ITPR3: variants seen among roughly 807,000 people sequenced by gnomAD.
The protein encoded by ITPR3 is inositol 1,4,5-trisphosphate receptor type 3.
Under a neutral mutation model 293.2 loss-of-function variants are expected in ITPR3, and 173 were observed. The observed-to-expected ratio is 0.59, with a 90% CI of 0.52 to 0.67. The LOEUF is 0.67. ITPR3 is among the 30% of genes least tolerant of loss of function. ITPR3 has a pLI of 0.00. For missense variants in ITPR3, 2,796 were observed against 3,592.1 expected (o/e 0.78, Z 5.66); for synonymous variants, 1,295 against 1,444.4 (o/e 0.90, Z 2.35).
In ITPR3 at chr6:33,686,193, C is replaced by T. The variant is rs142431293; in HGVS notation, c.5808C>T (p.Leu1936=). The T allele has an allele frequency of 3.8e-4, 612 of 1,614,110 alleles. 1 individual carries two copies. The highest frequency in any genetic ancestry group is 3.7e-3 in the African/African-American group (279 of 75,062). The part of the protein sequence containing the change: ...GLYINEDNVG[L]VIQTLETLTE... ...ACATCAATGAGGACAACGTGGGCCT[C>T]GTCATCCAGACCTTGGAGACCCTCA... Residue 1936 remains leucine (L), a synonymous_variant, in exon 42 of 58, where the codon CTC becomes CTT. Coordinates refer to ENST00000605930, the MANE Select transcript of ITPR3 (RefSeq NM_002224.4).
Position 33,693,632 on chromosome 6 carries a change from T to C in ITPR3, c.7712T>C (p.Phe2571Ser). Reference protein sequence around the residue: ...LEHNMWNYLYFIVLVRVKNKT... With the variant: ...LEHNMWNYLYSIVLVRVKNKT... ...CACAACATGTGGAACTACTTGTACTTCATTGTGCTGGTCCGCGTGAAGAAC... is the reference window on the plus strand; with the variant it reads ...CACAACATGTGGAACTACTTGTACTCCATTGTGCTGGTCCGCGTGAAGAAC... Residue 2571 changes from phenylalanine to serine, a missense_variant, in exon 56 of 58, where the codon TTC (phenylalanine) becomes TCC (serine). This residue lies in a region of ITPR3 where 568 missense variants were observed against 796.1 expected (regional missense o/e 0.71). Transcript: ENST00000605930. 6.2e-7 allele frequency: 1 copy of C among 1,614,186 alleles called. No homozygotes were observed. The highest frequency in any genetic ancestry group is 8.5e-7 in the Non-Finnish European group (1 of 1,180,020).
chr6:33,621,759 G>T lies in ITPR3; in HGVS notation c.89+68G>T. 8.1e-7 allele frequency: 1 copy of T among 1,240,596 alleles called. No homozygotes were observed. The highest frequency in any genetic ancestry group is 1.2e-6 in the Non-Finnish European group (1 of 868,130). The allele number at this position is 1,240,596 out of a possible 1,614,324, so 76.8% of individuals were successfully genotyped here. On this transcript the variant is annotated intron_variant, in intron 1 of 57. Coordinates refer to ENST00000605930, the MANE Select transcript of ITPR3 (RefSeq NM_002224.4). The surrounding 1 kb of genome is among the most constrained non-coding windows in gnomAD (Gnocchi z 7.7). ...CGCCGTGGGCCCTGGTGCCAGCTGC[G>T]TGCGTCCAGCCGCCGCCCCCCGATA...
chr6:33,692,915 G>A lies in ITPR3; in HGVS notation c.7624+22G>A. The A allele has an allele frequency of 1.9e-6, 3 of 1,612,172 alleles. No homozygotes were observed. Among genetic ancestry groups the A allele is most frequent in the Non-Finnish European group, 1.7e-6 (2 of 1,178,686 alleles). On this transcript the variant is annotated intron_variant, in intron 55 of 57. Coordinates refer to ENST00000605930, the MANE Select transcript of ITPR3 (RefSeq NM_002224.4). The surrounding 1 kb of genome is among the most constrained non-coding windows in gnomAD (Gnocchi z 4.2). ...TGTGGTGAGGGCTGCTTCCTGCTCT[G>A]TGGAGGCCGCAGCGGGGCTGGAACG...
chr6:33,681,491 G>C (rs79483930), intron 33 of ITPR3, among the ~76,000 whole-genome samples: 15,307 of 152,276 alleles, frequency 0.1, 1,434 homozygotes, highest in African/African-American at 0.25. Context: ...AATCTCGAAA[G>C]ATTCATGGCT....
rs374694027 is a variant in ITPR3 at position 33,664,974 on chromosome 6, G to A, written c.1248+5G>A. On this transcript the variant is annotated splice_donor_5th_base_variant and intron_variant, in intron 12 of 57. Coordinates refer to ENST00000605930, the MANE Select transcript of ITPR3 (RefSeq NM_002224.4). The surrounding 1 kb of genome is among the most constrained non-coding windows in gnomAD (Gnocchi z 4.4). Reference sequence around the variant, plus strand: ...GAGCGGCCCATCCGGCTCATGGTGCGTGTCCCTGGGGTGGGGGTGGGGCTG... The same window carrying A: ...GAGCGGCCCATCCGGCTCATGGTGCATGTCCCTGGGGTGGGGGTGGGGCTG... 1.8e-4 allele frequency: 288 copies of A among 1,612,458 alleles called. No individual in the cohort carries two copies. The highest frequency in any genetic ancestry group is 5.0e-4 in the Middle Eastern group (3 of 6,060).
chr6:33,654,060 G>C lies in ITPR3; in HGVS notation c.161-1706G>C, dbSNP rs1255106835. On this transcript the variant is annotated intron_variant, in intron 2 of 57. Transcript: ENST00000605930. This position sits in a 1 kb window ranked among gnomAD's most constrained non-coding sequence, Gnocchi z 4.1. ...AAGTGGGTGGATCACTTGAGGTCAG[G>C]AGTTTGAGACCAGCTTGGGCAATAT... Among the ~76,000 whole-genome samples the C allele has an allele frequency of 6.6e-6, 1 of 152,156 alleles. No homozygotes were observed. The highest frequency in any genetic ancestry group is 1.5e-5 in the Non-Finnish European group (1 of 68,030).
In ITPR3 at chr6:33,668,502, G is replaced by A. The variant is rs1764673311; in HGVS notation, c.1887-13G>A. On this transcript the variant is annotated splice_polypyrimidine_tract_variant and intron_variant, in intron 16 of 57. Coordinates refer to ENST00000605930, the MANE Select transcript of ITPR3 (RefSeq NM_002224.4). The stretch of plus-strand genomic sequence containing the variant: ...TGAGACCCTCTTCCCACCGCTGGCT[G>A]TCACCACCCCAGGTTCCTGGACTAC... The A allele has an allele frequency of 2.5e-6, 4 of 1,614,112 alleles. No individual in the cohort carries two copies. The East Asian group carries it at 8.9e-5, about 36-fold the overall frequency.
chr6:33,677,750 C>A, intron 28 of ITPR3, 121 bp downstream of exon 28: 2 of 1,218,396 alleles, frequency 1.6e-6, no homozygotes, highest in Non-Finnish European at 2.3e-6. Context: ...TCTTACACTG[C>A]CCTGTTTGTT....
At chr6:33,677,451 A>T in intron 27 of ITPR3, 53 bp from the exon 28 acceptor site, 1 of 1,602,928 alleles carries the variant, frequency 6.2e-7, no homozygotes, top group South Asian at 1.1e-5. Context: ...GGCTGGGCAG[A>T]GGGCAGCCTG....
rs749441437 is a variant in ITPR3 at position 33,688,287 on chromosome 6, G to A, written c.6424G>A (p.Gly2142Ser). 2.1e-5 allele frequency: 34 copies of A among 1,614,062 alleles called. No homozygotes were observed. Among genetic ancestry groups the A allele is most frequent in the Admixed American group, 3.3e-5 (2 of 60,004 alleles). The change falls in exon 48 of 58, where the codon GGC (glycine) becomes AGC (serine). Residue 2142 changes from glycine (G) to serine (S), a missense_variant. Around this residue, in one of 8 missense-constraint regions of ITPR3, gnomAD observed 568 missense variants for 796.1 expected, o/e 0.71. Transcript: ENST00000605930. Reference protein sequence around the residue: ...SMEQIVFPVPGICQFLTEETK... With the variant: ...SMEQIVFPVPSICQFLTEETK... ...GGAGCAGATCGTGTTCCCAGTGCCC[G>A]GCATCTGCCAGTTCCTGACGGAGGA...
At position 33,683,900 on chromosome 6, in the gene ITPR3, G is replaced by A. The variant is rs984706328; in HGVS notation, c.4789-120G>A. On this transcript the variant is annotated intron_variant, in intron 35 of 57. Transcript: ENST00000605930. This position sits in a 1 kb window ranked among gnomAD's most constrained non-coding sequence, Gnocchi z 4.5. Reference sequence around the variant, plus strand: ...GTGTTCAGGGTGTCTCTGTGGGTGTGGGCCCCTCAGACAGAGGCAGGGCAA... The same window carrying A: ...GTGTTCAGGGTGTCTCTGTGGGTGTAGGCCCCTCAGACAGAGGCAGGGCAA... 34 of 1,101,350 alleles carry A rather than the reference G, an allele frequency of 3.1e-5. No homozygotes were observed. The highest frequency in any genetic ancestry group is 4.0e-5 in the Non-Finnish European group (31 of 774,206). The allele number at this position is 1,101,350 out of a possible 1,614,324, so 68.2% of individuals were successfully genotyped here.
intron 3 of ITPR3, among the ~76,000 whole-genome samples, chr6:33,656,959 G>A (rs925891790): frequency 1.2e-4 from 18 of 152,340 alleles, no homozygotes; most frequent in South Asian, 6.2e-4. Context: ...TTCCTGGAAT[G>A]GGGGCTGCAA....
chr6:33,670,494 G>A lies in ITPR3; in HGVS notation c.2359G>A (p.Asp787Asn), dbSNP rs781638076. Reference protein sequence around the residue: ...FCHLMLHVHVDRDPQELVTPV... With the variant: ...FCHLMLHVHVNRDPQELVTPV... Reference sequence around the variant, plus strand: ...CCACCTGATGCTGCACGTGCACGTGGACCGTGACCCCCAGGAGCTGGTCAC... The same window carrying A: ...CCACCTGATGCTGCACGTGCACGTGAACCGTGACCCCCAGGAGCTGGTCAC... Residue 787 changes from aspartate to asparagine, a missense_variant, in exon 19 of 58, where the codon GAC becomes AAC. By Grantham distance (23) the Asp-to-Asn change is conservative. Coordinates refer to ENST00000605930, the MANE Select transcript of ITPR3 (RefSeq NM_002224.4). This position sits in a 1 kb window ranked among gnomAD's most constrained non-coding sequence, Gnocchi z 6.7. 1.2e-6 allele frequency: 2 copies of A among 1,613,816 alleles called. No individual in the cohort carries two copies. The highest frequency in any genetic ancestry group is 1.7e-6 in the Non-Finnish European group (2 of 1,179,998).
Position 33,658,753 on chromosome 6 carries a change from T to G in ITPR3, c.453T>G (p.Thr151=), listed in dbSNP as rs1332539634. The G allele has an allele frequency of 1.2e-6, 2 of 1,614,052 alleles. No individual in the cohort carries two copies. The highest frequency in any genetic ancestry group is 1.7e-6 in the Non-Finnish European group (2 of 1,180,028). ...TGGAGAAGAACGCCATGCGGGTGAC[T>G]CTGGATGCCACAGGCAACGAGGGTT... ...ALLEKNAMRV[T]LDATGNEGSW... is the part of the protein sequence containing the mutation. Residue 151 remains threonine (T), a synonymous_variant, in exon 5 of 58, where the codon ACT becomes ACG. Coordinates refer to ENST00000605930, the MANE Select transcript of ITPR3 (RefSeq NM_002224.4). The surrounding 1 kb of genome is among the most constrained non-coding windows in gnomAD (Gnocchi z 6.1).
At chr6:33,660,446 C>G (rs1017404978) in intron 7 of ITPR3, among the ~76,000 whole-genome samples, 1 of 152,094 alleles carries the variant, frequency 6.6e-6, no homozygotes, top group Non-Finnish European at 1.5e-5. Context: ...CTCAGTCCCC[C>G]ACCCTCCTCA....
At position 33,682,082 on chromosome 6, in the gene ITPR3, A is replaced by ATGTTGG. The variant is rs1241931907; in HGVS notation, c.4477-441_4477-436dup. On this transcript the variant is annotated intron_variant, in intron 33 of 57. Coordinates refer to ENST00000605930, the MANE Select transcript of ITPR3 (RefSeq NM_002224.4). This position sits in a 1 kb window ranked among gnomAD's most constrained non-coding sequence, Gnocchi z 5.4. ...TTTTTAGTAGAGACAGGGTTTCACCATGTTGGCCAGGCTGGTCTCGAACTC... is the reference window on the plus strand; with the variant it reads ...TTTTTAGTAGAGACAGGGTTTCACCATGTTGGTGTTGGCCAGGCTGGTCTCGAACTC... Among the ~76,000 whole-genome samples the ATGTTGG allele has an allele frequency of 1.1e-4, 17 of 152,146 alleles. No homozygotes were observed. The East Asian group carries it at 3.1e-3, about 28-fold the overall frequency.
rs375838914 is a variant in ITPR3 at position 33,687,360 on chromosome 6, C to A, written c.6177+33C>A. The A allele has an allele frequency of 4.6e-6, 7 of 1,531,968 alleles. No individual in the cohort carries two copies. Among genetic ancestry groups the A allele is most frequent in the Non-Finnish European group, 6.3e-6 (7 of 1,113,988 alleles). The allele number at this position is 1,531,968 out of a possible 1,614,324, so 94.9% of individuals were successfully genotyped here. A position where few individuals can be genotyped will look rare whatever the true frequency, so the allele number is the denominator to read the frequency against. ...TTCCACCCGTGGCAACGGCCATCAC[C>A]CCCCTGGCCACCATACCCCGCCCCA... is the stretch of plus-strand genomic sequence containing the variant. On this transcript the variant is annotated intron_variant, in intron 45 of 57. Transcript: ENST00000605930. This position sits in a 1 kb window ranked among gnomAD's most constrained non-coding sequence, Gnocchi z 5.3.
chr6:33,696,077 C>T lies in ITPR3; in HGVS notation c.*297C>T. On this transcript the variant is annotated 3_prime_UTR_variant, in exon 58 of 58. Transcript: ENST00000605930. The stretch of plus-strand genomic sequence containing the variant: ...AGACCTTTGTTCCTTAAAGCAATAA[C>T]TGACAACTCTTTGTAGTCCTCCTTG... The T allele has an allele frequency of 2.5e-6, 1 of 396,810 alleles. No individual in the cohort carries two copies. Among genetic ancestry groups the T allele is most frequent in the South Asian group, 4.2e-5 (1 of 23,574 alleles). 24.6% of individuals were successfully genotyped at this position (396,810 alleles called of 1,614,324 possible).
At chr6:33,659,625 C>T in intron 7 of ITPR3, 76 bp downstream of exon 7, 2 of 1,267,260 alleles carry the variant, frequency 1.6e-6, no homozygotes, top group Non-Finnish European at 2.3e-6. Flanking sequence ...CTGCCTTCTC[C>T]ACCCGCCAGG....
Sources: gnomAD v4.1 joint callset for allele counts (sites outside exome capture counted in the v4.1 genomes callset) on GRCh38, gnomAD v4.1.1 for gene constraint, gnomAD v4.1.1 regional missense constraint, Gnocchi (gnomAD v3.1) non-coding constraint, MANE v1.5 for transcripts, NCBI Gene and HGNC (gene_info 2026-07-23, HGNC 2026-07-21) for gene names.